CHD6: variants seen among roughly 807,000 people sequenced by gnomAD.
CHD6 encodes the protein chromodomain helicase DNA binding protein 6.
CHD6 carries 50 observed loss-of-function variants against 276.9 expected under a neutral mutation model. The observed-to-expected ratio is 0.18, with a 90% confidence interval of 0.14 to 0.23. The LOEUF is 0.23. Among genes scored for constraint, CHD6 ranks in the 10% least tolerant of loss-of-function variants. The pLI, the probability that CHD6 is intolerant of heterozygous loss-of-function variation, is 1.00. For missense variants in CHD6, 2,564 were observed against 3,365.8 expected, an observed-to-expected ratio of 0.76 and a Z score of 5.89; for synonymous variants, 1,173 against 1,229.3, an observed-to-expected ratio of 0.95 and a Z score of 0.96.
intron 27 of CHD6, among the ~76,000 whole-genome samples, chr20:41,429,094 G>A (rs2047452878): frequency 6.6e-6 from 1 of 152,160 alleles, no homozygotes; most frequent in Non-Finnish European, 1.5e-5. Context: ...GAGAGCACCT[G>A]AGATGTCACA....
intron 1 of CHD6, among the ~76,000 whole-genome samples, chr20:41,568,674 A>G (rs879908917): frequency 6.6e-6 from 1 of 152,226 alleles, no homozygotes; most frequent in Non-Finnish European, 1.5e-5. Flanking sequence ...ATATTTTTCC[A>G]AAGTGTTTTT....
chr20:41,563,303 T>A (rs2045321991), intron 1 of CHD6, among the ~76,000 whole-genome samples: 1 of 152,220 alleles, frequency 6.6e-6, no homozygotes, highest in African/African-American at 2.4e-5. Context: ...AGGCTTTTAC[T>A]CACTGAATGA....
intron 1 of CHD6, among the ~76,000 whole-genome samples, chr20:41,608,984 T>A (rs1459717596): frequency 6.6e-6 from 1 of 152,226 alleles, no homozygotes; most frequent in Non-Finnish European, 1.5e-5. Context: ...GAAATCACAA[T>A]ATTTTAGTAA....
At chr20:41,508,869 G>GAAAAATCTCTTTCC (rs1330568655) in intron 5 of CHD6, among the ~76,000 whole-genome samples, 1 of 152,048 alleles carries the variant, frequency 6.6e-6, no homozygotes, top group Non-Finnish European at 1.5e-5. Flanking sequence ...TGGGAGAAAA[G>GAAAAATCTCTTTCC]AAAAATCTCT....
chr20:41,561,221 A>T (rs908178090), intron 1 of CHD6, among the ~76,000 whole-genome samples: 3 of 152,208 alleles, frequency 2.0e-5, no homozygotes, highest in African/African-American at 7.2e-5. Flanking sequence ...TAGAAGATGA[A>T]GTGTTATCTT....
chr20:41,581,511 C>T (rs897491178), intron 1 of CHD6, among the ~76,000 whole-genome samples: 5 of 151,970 alleles, frequency 3.3e-5, no homozygotes, highest in Non-Finnish European at 2.9e-5. Context: ...CCTGTCTCTA[C>T]TAAAAATACA....
chr20:41,586,600 T>C (rs1375363858), intron 1 of CHD6, among the ~76,000 whole-genome samples: 1 of 152,210 alleles, frequency 6.6e-6, no homozygotes, highest in Non-Finnish European at 1.5e-5. Flanking sequence ...TTGGGAGCTC[T>C]AAGAACAAAG....
At chr20:41,598,555 T>C (rs558709853) in intron 1 of CHD6, among the ~76,000 whole-genome samples, 2 of 152,240 alleles carry the variant, frequency 1.3e-5, no homozygotes, top group East Asian at 3.9e-4. Flanking sequence ...CTGTATGGTA[T>C]CTCTCTTCCA....
At chr20:41,411,391 G>A (rs6124344) in intron 36 of CHD6, among the ~76,000 whole-genome samples, 17,648 of 151,550 alleles carry the variant, frequency 0.12, 2,126 homozygotes, top group East Asian at 0.31. Context: ...TTAAGAGAAG[G>A]CATTCAGGAA....
intron 17 of CHD6, chr20:41,461,749 C>T (rs1282604912): frequency 6.6e-6 from 1 of 152,478 alleles, no homozygotes; most frequent in East Asian, 1.9e-4. Context: ...ACTTGTTCTC[C>T]ACTGTCACTT....
At chr20:41,553,820 CAAAT>C (rs1396893047) in intron 1 of CHD6, among the ~76,000 whole-genome samples, 3 of 152,162 alleles carry the variant, frequency 2.0e-5, no homozygotes, top group Non-Finnish European at 4.4e-5. Context: ...CAATATGTCT[CAAAT>C]AAAATTCTGC....
chr20:41,412,217 G>A lies in CHD6; in HGVS notation c.7178C>T (p.Pro2393Leu), dbSNP rs1266047375. The A allele has an allele frequency of 1.2e-6, 2 of 1,614,048 alleles. No individual in the cohort carries two copies. The highest frequency in any genetic ancestry group is 1.7e-5 in the Admixed American group (1 of 60,010). The stretch of plus-strand genomic sequence containing the variant: ...CAGGGAGCTGACATCTAATTTTCCA[G>A]GTTCTTTACAGCGTGGCCTCCTCTG... ...PKQRRPRCKE[P>L]GKLDVSSLSG... The change falls in exon 36 of 37, where the codon CCT (proline) becomes CTT (leucine). Residue 2393 changes from proline (P) to leucine (L), a missense_variant. Pro to Leu is a moderately conservative substitution (Grantham distance 98). This residue lies in a region of CHD6 where 1,024 missense variants were observed against 1,047.9 expected (regional missense o/e 0.98). Transcript: ENST00000373233.
At chr20:41,598,113 T>A (rs377397290) in intron 1 of CHD6, among the ~76,000 whole-genome samples, 1 of 152,110 alleles carries the variant, frequency 6.6e-6, no homozygotes, top group Non-Finnish European at 1.5e-5. Context: ...CCCCCACCAA[T>A]TGCCAGCAAA....
chr20:41,460,683 A>G (rs553324545), intron 17 of CHD6, among the ~76,000 whole-genome samples: 1 of 152,368 alleles, frequency 6.6e-6, no homozygotes, highest in Non-Finnish European at 1.5e-5. Flanking sequence ...AGATGTATGC[A>G]AATGCCTGGA....
intron 27 of CHD6, 133 bp from the exon 28 acceptor site, chr20:41,426,286 T>G: frequency 1.4e-6 from 1 of 724,544 alleles, no homozygotes; most frequent in South Asian, 1.5e-5. Context: ...CAGACCAAGA[T>G]AGGACCTGAT....
In CHD6 at chr20:41,491,466, C is replaced by CA. The variant is rs1288433854; in HGVS notation, c.1436+231dup. Among the ~76,000 whole-genome samples the CA allele has an allele frequency of 3.8e-3, 529 of 140,212 alleles. 1 individual carries two copies. The highest frequency in any genetic ancestry group is 0.01 in the African/African-American group (398 of 38,100). 92.0% of individuals were successfully genotyped at this position (140,212 alleles called of 152,430 possible). A position where few individuals can be genotyped will look rare whatever the true frequency, so the allele number is the denominator to read the frequency against. On this transcript the variant is annotated intron_variant, in intron 11 of 36. Coordinates refer to ENST00000373233, the MANE Select transcript of CHD6 (RefSeq NM_032221.5). ...AGCCCACCCTTTTGGTGTGGCTGGC[C>CA]AAAAAAAAAAGGCACAAAGTCAGTG...
At chr20:41,587,560 C>CA (rs1568719232) in intron 1 of CHD6, among the ~76,000 whole-genome samples, 1 of 151,944 alleles carries the variant, frequency 6.6e-6, no homozygotes, top group African/African-American at 2.4e-5. Context: ...AACTAGGAAA[C>CA]AAAAAAATGG....
chr20:41,610,536 C>T (rs570337456), intron 1 of CHD6, among the ~76,000 whole-genome samples: 15 of 151,968 alleles, frequency 9.9e-5, no homozygotes, highest in Admixed American at 1.3e-4. Context: ...CCGAGGCGGG[C>T]GGAATACAAG....
chr20:41,517,378 T>C (rs113307839), intron 3 of CHD6, among the ~76,000 whole-genome samples: 68 of 152,164 alleles, frequency 4.5e-4, no homozygotes, highest in Non-Finnish European at 9.3e-4. Flanking sequence ...CCAACCACCA[T>C]GACATAAGTT....
Sources: allele counts gnomAD v4.1 joint callset (sites outside exome capture counted in the v4.1 genomes callset), GRCh38; gene constraint gnomAD v4.1.1; regional missense constraint gnomAD v4.1.1; transcripts MANE v1.5; gene names NCBI Gene and HGNC (gene_info 2026-07-23, HGNC 2026-07-21).